The following JMJD1C variants were observed in gnomAD, a reference collection of about 807,000 sequenced individuals.
JMJD1C encodes the protein jumonji domain containing 1C.
In JMJD1C, 31 loss-of-function variants were observed where a neutral mutation model predicts 245.3. The observed-to-expected ratio is 0.13, with a 90% CI of 0.09 to 0.17. The LOEUF is 0.17. Ranked by LOEUF, JMJD1C falls within the 10% of genes least tolerant of loss-of-function variation. The pLI is 1.00. For missense variants in JMJD1C, 2,691 were observed against 3,000.2 expected, an observed-to-expected ratio of 0.90 and a Z score of 2.41; for synonymous variants, 1,057 against 1,017.4, an observed-to-expected ratio of 1.04 and a Z score of -0.74.
At position 63,495,319 on chromosome 10, in the gene JMJD1C, G is replaced by A. The variant is rs926763141; in HGVS notation, n.113+26419C>T. 4.6e-5 allele frequency among the ~76,000 whole-genome samples: 7 copies of A among 151,824 alleles called. No individual in the cohort carries two copies. The East Asian group carries it at 1.4e-3, about 29-fold the overall frequency. On this transcript the variant is annotated intron_variant and non_coding_transcript_variant, in intron 1 of 3. Transcript: ENST00000633035. The stretch of plus-strand genomic sequence containing the variant: ...AAGACTGCTAAGGTAAGATATAGGA[G>A]CCAATCTGGAGACTTTCACTGGCCA...
intron 2 of JMJD1C, among the ~76,000 whole-genome samples, chr10:63,348,272 G>A (rs1031671372): frequency 6.6e-6 from 1 of 151,362 alleles, no homozygotes; most frequent in African/African-American, 2.4e-5. Flanking sequence ...TTTGACCAGG[G>A]CAGATATCTT....
chr10:63,521,496 A>G (rs1446709302), intron 1 of JMJD1C: 3 of 1,326,952 alleles, frequency 2.3e-6, no homozygotes, highest in African/African-American at 1.5e-5. Flanking sequence ...CCTGGTCCGC[A>G]GCGCCCTGCG....
chr10:63,337,913 G>A (rs1490996050), intron 2 of JMJD1C, among the ~76,000 whole-genome samples: 2 of 152,128 alleles, frequency 1.3e-5, no homozygotes, highest in Non-Finnish European at 2.9e-5. Flanking sequence ...CATATTCATT[G>A]TCTTAATCAC....
At chr10:63,507,215 C>G (rs974536515) in intron 1 of JMJD1C, among the ~76,000 whole-genome samples, 1 of 152,182 alleles carries the variant, frequency 6.6e-6, no homozygotes, top group Non-Finnish European at 1.5e-5. Context: ...AATACAGCTG[C>G]TATAAACATT....
chr10:63,322,864 A>G (rs1941066957), intron 2 of JMJD1C, among the ~76,000 whole-genome samples: 1 of 150,714 alleles, frequency 6.6e-6, no homozygotes, highest in South Asian at 2.1e-4. Flanking sequence ...ACAGTTGAGG[A>G]AAGAACAGAA....
intron 1 of JMJD1C, among the ~76,000 whole-genome samples, chr10:63,507,862 C>T (rs1177465114): frequency 6.6e-6 from 1 of 152,128 alleles, no homozygotes; most frequent in Non-Finnish European, 1.5e-5. Flanking sequence ...CTGCCATCTA[C>T]AAATCTTCTT....
chr10:63,195,941 A>T (rs1336701180), intron 13 of JMJD1C, among the ~76,000 whole-genome samples: 1 of 147,656 alleles, frequency 6.8e-6, no homozygotes, highest in Non-Finnish European at 1.5e-5. Context: ...AAAAAGAAAA[A>T]AGAATGATAC....
At chr10:63,474,451 T>G (rs566395424) in intron 1 of JMJD1C, among the ~76,000 whole-genome samples, 19 of 152,112 alleles carry the variant, frequency 1.2e-4, no homozygotes, top group East Asian at 1.9e-4. Flanking sequence ...ACCTTTTTTT[T>G]TTGTTTTTTT....
chr10:63,366,882 G>A (rs1791755262), intron 2 of JMJD1C, among the ~76,000 whole-genome samples: 1 of 152,174 alleles, frequency 6.6e-6, no homozygotes, highest in Non-Finnish European at 1.5e-5. Context: ...ATTGTTACCT[G>A]GAATAGCGAA....
At chr10:63,188,700 AAT>A (rs1358347826) in intron 18 of JMJD1C, among the ~76,000 whole-genome samples, 1 of 152,218 alleles carries the variant, frequency 6.6e-6, no homozygotes, top group East Asian at 1.9e-4. Context: ...AGAATGAAAC[AAT>A]ATAGTTTGTC....
chr10:63,412,029 G>A (rs1419518940), intron 1 of JMJD1C, among the ~76,000 whole-genome samples: 1 of 151,342 alleles, frequency 6.6e-6, no homozygotes, highest in African/African-American at 2.4e-5. Flanking sequence ...CCAAAGTGCT[G>A]GGATTACAGG....
chr10:63,295,292 C>G (rs1467588224), intron 2 of JMJD1C, among the ~76,000 whole-genome samples: 2 of 148,838 alleles, frequency 1.3e-5, no homozygotes, highest in African/African-American at 2.5e-5. Context: ...GAGACAGGGT[C>G]TCACTCAGGT....
chr10:63,477,886 A>G (rs951040890), intron 1 of JMJD1C, among the ~76,000 whole-genome samples: 3 of 150,726 alleles, frequency 2.0e-5, no homozygotes, highest in Admixed American at 6.6e-5. Flanking sequence ...CTCAATAATA[A>G]AAAAAACAAA....
intron 3 of JMJD1C, among the ~76,000 whole-genome samples, chr10:63,246,375 A>T (rs995771113): frequency 1.3e-5 from 2 of 152,180 alleles, no homozygotes; most frequent in South Asian, 4.1e-4. Flanking sequence ...AGACTTCTCA[A>T]TGGAAATCAT....
intron 23 of JMJD1C, 25 bp from the exon 24 acceptor site, chr10:63,176,498 C>G: frequency 1.3e-6 from 2 of 1,548,818 alleles, no homozygotes; most frequent in Non-Finnish European, 1.8e-6. Context: ...AAAATAGACA[C>G]TCCAATTTAA....
At position 63,408,937 on chromosome 10, in the gene JMJD1C, T is replaced by G. The variant is rs79268417; in HGVS notation, c.169-28455A>C. On this transcript the variant is annotated intron_variant, in intron 1 of 25. Transcript: ENST00000399262. Reference sequence around the variant, plus strand: ...AGGATACCTAATATACAAACCTGAATGTACTGAAATGATTTTACGTAACTT... The same window carrying G: ...AGGATACCTAATATACAAACCTGAAGGTACTGAAATGATTTTACGTAACTT... Among the ~76,000 whole-genome samples the G allele has an allele frequency of 6.0e-3, 906 of 152,268 alleles. 7 individuals are homozygous for G. Among genetic ancestry groups the G allele is most frequent in the African/African-American group, 0.021 (882 of 41,546 alleles).
At chr10:63,176,570 T>C in intron 23 of JMJD1C, 97 bp from the exon 24 acceptor site, 1 of 903,042 alleles carries the variant, frequency 1.1e-6, no homozygotes, top group Non-Finnish European at 1.7e-6. Flanking sequence ...ACAAATCTTT[T>C]CTTCTCAGAA....
intron 1 of JMJD1C, among the ~76,000 whole-genome samples, chr10:63,475,972 G>A (rs1190935696): frequency 1.3e-5 from 2 of 152,084 alleles, no homozygotes; most frequent in East Asian, 3.9e-4. Flanking sequence ...ACTTTGGGAG[G>A]CTGAAGTGGG....
chr10:63,273,263 C>T (rs555067362), intron 2 of JMJD1C, among the ~76,000 whole-genome samples: 1 of 152,290 alleles, frequency 6.6e-6, no homozygotes, highest in South Asian at 2.1e-4. Context: ...GAGCTATCAG[C>T]TCACTGCAGC....
Sources: gnomAD v4.1 joint callset for allele counts (sites outside exome capture counted in the v4.1 genomes callset) on GRCh38, gnomAD v4.1.1 for gene constraint, MANE v1.5 for transcripts, NCBI Gene and HGNC (gene_info 2026-07-23, HGNC 2026-07-21) for gene names.